ARHGAP33: variants seen among roughly 807,000 people sequenced by gnomAD.
ARHGAP33 encodes rho GTPase-activating protein 33.
A neutral mutation model predicts 126.2 loss-of-function variants in ARHGAP33; 57 were observed. The observed-to-expected ratio is 0.45, with a 90% confidence interval of 0.36 to 0.56. The LOEUF (loss-of-function observed/expected upper bound fraction) is 0.56, where lower values mean the gene tolerates loss of function less well. ARHGAP33 is among the 20% of genes least tolerant of loss of function. The probability of loss-of-function intolerance (pLI) is 0.00; values close to 1 mark genes in which losing one functional copy is unlikely to be tolerated. For missense variants in ARHGAP33, 1,500 were observed against 1,748.3 expected (o/e 0.86, Z 2.53); for synonymous variants, 711 against 755.0 (o/e 0.94, Z 0.95).
In ARHGAP33 at chr19:35,777,900, C is replaced by A. The variant is rs1440858532; in HGVS notation, c.181C>A (p.His61Asn). 6.2e-7 allele frequency: 1 copy of A among 1,614,218 alleles called. No individual in the cohort carries two copies. The highest frequency in any genetic ancestry group is 8.5e-7 in the Non-Finnish European group (1 of 1,180,024). ...HFHYENVDFGHIQLLLSPDRE... is the reference protein window; with the variant it reads ...HFHYENVDFGNIQLLLSPDRE... ...CCACTACGAGAACGTTGACTTTGGC[C>A]ACATTCAGGTATGGGGGCTTTGCAT... The change falls in exon 3 of 21, where the codon CAC (histidine) becomes AAC (asparagine). Residue 61 changes from histidine (H) to asparagine (N), a missense_variant. This residue lies in a region of ARHGAP33 where 129 missense variants were observed against 145.9 expected (regional missense o/e 0.88). Coordinates refer to ENST00000007510, the MANE Select transcript of ARHGAP33 (RefSeq NM_001366178.1).
chr19:35,786,706 C>CGCT lies in ARHGAP33; in HGVS notation c.2239_2241dup (p.Cys747dup), dbSNP rs1568432102. 2 of 1,534,790 alleles carry CGCT rather than the reference C, an allele frequency of 1.3e-6. No homozygotes were observed. Among genetic ancestry groups the CGCT allele is most frequent in the African/African-American group, 2.7e-5 (2 of 72,968 alleles). On this transcript the variant is annotated inframe_insertion, in exon 20 of 21. Coordinates refer to ENST00000007510, the MANE Select transcript of ARHGAP33 (RefSeq NM_001366178.1). This position sits in a 1 kb window ranked among gnomAD's most constrained non-coding sequence, Gnocchi z 7.0. ...GCTGGACTTTGATCCCTTAACCTTC[C>CGCT]GCTGCAGCAGCCCCACCCCAGGGGA...
At chr19:35,784,781 T>G in intron 16 of ARHGAP33, 172 bp from the exon 17 acceptor site, 9 of 1,135,218 alleles carry the variant, frequency 7.9e-6, no homozygotes, top group East Asian at 1.3e-4. Context: ...CGCCCCGCCC[T>G]CCTCCCACCT....
chr19:35,784,465 C>T (rs2146730961), intron 16 of ARHGAP33, 148 bp downstream of exon 16: 1 of 1,383,952 alleles, frequency 7.2e-7, no homozygotes, highest in East Asian at 2.9e-5. Flanking sequence ...CGGCCTCTCC[C>T]TCCCCGCGCC....
At position 35,778,326 on chromosome 19, in the gene ARHGAP33, A is replaced by G. The variant is rs772496264; in HGVS notation, c.236A>G (p.Asn79Ser). 1.2e-6 allele frequency: 2 copies of G among 1,614,180 alleles called. No individual in the cohort carries two copies. Among genetic ancestry groups the G allele is most frequent in the South Asian group, 1.1e-5 (1 of 91,084 alleles). The change falls in exon 4 of 21, where the codon AAT becomes AGT. Residue 79 changes from asparagine (N) to serine (S), a missense_variant. By Grantham distance (46) the Asn-to-Ser change is conservative. This residue lies in a region of ARHGAP33 where 129 missense variants were observed against 145.9 expected (regional missense o/e 0.88). Transcript: ENST00000007510. The part of the protein sequence containing the change: ...DREGPSLSGE[N>S]ELVFGVQVTC... ...GAAGGGCCCAGCCTCTCTGGAGAGA[A>G]TGAGCTGGTGTTCGGGGTGCAGGTG...
Position 35,788,452 on chromosome 19 carries a change from C to T in ARHGAP33, c.*23C>T, listed in dbSNP as rs754512233. The T allele has an allele frequency of 6.7e-7, 1 of 1,495,734 alleles. No individual in the cohort carries two copies. The highest frequency in any genetic ancestry group is 1.3e-5 in the South Asian group (1 of 77,164). 92.7% of individuals were successfully genotyped at this position (1,495,734 alleles called of 1,614,324 possible). A position where few individuals can be genotyped will look rare whatever the true frequency, so the allele number is the denominator to read the frequency against. ...TGAGCACCAGCTGGGAGGGGCCGTC[C>T]TTCCTTCCCTTCACCCTCACTGGAT... On this transcript the variant is annotated 3_prime_UTR_variant, in exon 21 of 21. Coordinates refer to ENST00000007510, the MANE Select transcript of ARHGAP33 (RefSeq NM_001366178.1).
intron 20 of ARHGAP33, 35 bp from the exon 21 acceptor site, chr19:35,787,133 G>A: frequency 6.2e-7 from 1 of 1,604,890 alleles, no homozygotes. Context: ...TGAGGGCCTG[G>A]CCCCAGCTGA....
chr19:35,785,966 C>G (rs954467364), intron 19 of ARHGAP33: 1 of 1,082,802 alleles, frequency 9.2e-7, no homozygotes, highest in Non-Finnish European at 1.1e-6. Flanking sequence ...GGATGCCGCA[C>G]TGTATGGGGA....
intron 1 of ARHGAP33, among the ~76,000 whole-genome samples, chr19:35,776,074 C>A (rs1460691735): frequency 6.7e-6 from 1 of 149,866 alleles, no homozygotes; most frequent in Non-Finnish European, 1.5e-5. Context: ...TCCCCACAGC[C>A]CCTTTCTCAT....
intron 6 of ARHGAP33, 193 bp from the exon 7 acceptor site, chr19:35,780,018 G>A (rs1031134537): frequency 1.2e-6 from 1 of 802,304 alleles, no homozygotes; most frequent in Non-Finnish European, 2.1e-6. Flanking sequence ...TTTTCTTAGA[G>A]GTTTCCCCAC....
rs1971867363 is a variant in ARHGAP33 at position 35,782,743 on chromosome 19, C to T, written c.1314-19C>T. Reference sequence around the variant, plus strand: ...CAAGGGGGTTGAGGCTCAGGTGCCCCCTCTGCTCCCACCCCCAGGACCCTG... The same window carrying T: ...CAAGGGGGTTGAGGCTCAGGTGCCCTCTCTGCTCCCACCCCCAGGACCCTG... On this transcript the variant is annotated intron_variant, in intron 14 of 20. Coordinates refer to ENST00000007510, the MANE Select transcript of ARHGAP33 (RefSeq NM_001366178.1). This position sits in a 1 kb window ranked among gnomAD's most constrained non-coding sequence, Gnocchi z 4.1. 3 of 1,611,680 alleles carry T rather than the reference C, an allele frequency of 1.9e-6. No individual in the cohort carries two copies. The highest frequency in any genetic ancestry group is 4.5e-5 in the East Asian group (2 of 44,732).
At position 35,788,669 on chromosome 19, in the gene ARHGAP33, A is replaced by G. The variant is rs1193969194; in HGVS notation, c.*240A>G. On this transcript the variant is annotated 3_prime_UTR_variant, in exon 21 of 21. Coordinates refer to ENST00000007510, the MANE Select transcript of ARHGAP33 (RefSeq NM_001366178.1). ...GGCCCTCGCACAAATCTGGGGTGGG[A>G]GGGGCTAGGCTGACCCCATCCTCCT... 3 of 487,956 alleles carry G rather than the reference A, an allele frequency of 6.1e-6. No homozygotes were observed. The highest frequency in any genetic ancestry group is 1.1e-5 in the Non-Finnish European group (3 of 278,816). The allele number at this position is 487,956 out of a possible 1,614,324, so 30.2% of individuals were successfully genotyped here.
intron 15 of ARHGAP33, among the ~76,000 whole-genome samples, chr19:35,783,729 C>T (rs1379580109): frequency 6.6e-6 from 1 of 151,970 alleles, no homozygotes; most frequent in East Asian, 1.9e-4. Context: ...TTGCCTGGAG[C>T]GAGGTGCAGC....
At position 35,786,281 on chromosome 19, in the gene ARHGAP33, C is replaced by T. The variant is rs1387821844; in HGVS notation, c.1943-132C>T. The T allele has an allele frequency of 7.7e-6, 11 of 1,432,894 alleles. No homozygotes were observed. The highest frequency in any genetic ancestry group is 1.0e-5 in the Non-Finnish European group (11 of 1,097,912). 88.8% of individuals were successfully genotyped at this position (1,432,894 alleles called of 1,614,324 possible). A position where few individuals can be genotyped will look rare whatever the true frequency, so the allele number is the denominator to read the frequency against. On this transcript the variant is annotated intron_variant, in intron 19 of 20. Coordinates refer to ENST00000007510, the MANE Select transcript of ARHGAP33 (RefSeq NM_001366178.1). The surrounding 1 kb of genome is among the most constrained non-coding windows in gnomAD (Gnocchi z 7.0). ...CCTCTTCATGGTCTCCACTGTCAAT[C>T]TGAACAGCTCTTCCTGGCTTCACAC...
At chr19:35,780,101 G>A in intron 6 of ARHGAP33, 110 bp from the exon 7 acceptor site, 5 of 1,437,180 alleles carry the variant, frequency 3.5e-6, no homozygotes, top group Non-Finnish European at 4.8e-6. Flanking sequence ...TGAGTGACAG[G>A]GGCTCTTGAC....
At chr19:35,780,041 C>T in intron 6 of ARHGAP33, 170 bp from the exon 7 acceptor site, 1 of 932,494 alleles carries the variant, frequency 1.1e-6, no homozygotes, top group Non-Finnish European at 1.7e-6. Context: ...GCAGAGGGTG[C>T]CAGGGCTGCA....
At chr19:35,783,533 A>C (rs2146722972) in intron 15 of ARHGAP33, among the ~76,000 whole-genome samples, 1 of 152,220 alleles carries the variant, frequency 6.6e-6, no homozygotes, top group African/African-American at 2.4e-5. Context: ...GGCTGAGGGA[A>C]CGGCAGGTGC....
At position 35,788,164 on chromosome 19, in the gene ARHGAP33, G is replaced by C. The variant is rs774513615; in HGVS notation, c.3599G>C (p.Gly1200Ala). Reference protein sequence around the residue: ...PAHPRSRSDPGPPVPRLPQKQ... With the variant: ...PAHPRSRSDPAPPVPRLPQKQ... ...CACCCCCGAAGCCGTTCAGATCCCG[G>C]TCCCCCAGTCCCCCGCCTTCCCCAG... The change falls in exon 21 of 21, where the codon GGT becomes GCT. Residue 1200 changes from glycine (G) to alanine (A), a missense_variant. Coordinates refer to ENST00000007510, the MANE Select transcript of ARHGAP33 (RefSeq NM_001366178.1). The C allele has an allele frequency of 1.9e-6, 3 of 1,607,940 alleles. No individual in the cohort carries two copies. In the Admixed American group the frequency reaches 5.1e-5, roughly 27 times the overall value.
intron 1 of ARHGAP33, among the ~76,000 whole-genome samples, chr19:35,777,258 GA>G (rs1971503378): frequency 6.6e-6 from 1 of 152,208 alleles, no homozygotes; most frequent in Non-Finnish European, 1.5e-5. Context: ...GGCTATTGCG[GA>G]AAAGCTGGCA....
chr19:35,785,812 C>T (rs1972083514), intron 19 of ARHGAP33: 1 of 1,193,150 alleles, frequency 8.4e-7, no homozygotes, highest in African/African-American at 1.6e-5. Context: ...CTTCGAGTTC[C>T]TCCCCACTGG....
Sources: allele counts gnomAD v4.1 joint callset (sites outside exome capture counted in the v4.1 genomes callset), GRCh38; gene constraint gnomAD v4.1.1; regional missense constraint gnomAD v4.1.1; non-coding constraint Gnocchi (gnomAD v3.1); transcripts MANE v1.5; gene names NCBI Gene and HGNC (gene_info 2026-07-23, HGNC 2026-07-21).